Variants in MAMDC2 observed in about 807,000 individuals in gnomAD.
MAMDC2 encodes the protein MAM domain containing 2.
MAMDC2 carries 57 observed loss-of-function variants against 89.8 expected under a neutral mutation model. The observed-to-expected ratio is 0.63, with a 90% confidence interval of 0.51 to 0.79. The LOEUF is 0.79. Among genes scored for constraint, MAMDC2 ranks in the 30% least tolerant of loss-of-function variants. The pLI is 0.00. For synonymous variants in MAMDC2, 313 were observed against 293.4 expected, an observed-to-expected ratio of 1.07 and a Z score of -0.68; for missense variants, 800 against 820.6, an observed-to-expected ratio of 0.97 and a Z score of 0.31.
At chr9:70,053,600 G>A (rs373927735) in intron 2 of MAMDC2, among the ~76,000 whole-genome samples, 10 of 152,326 alleles carry the variant, frequency 6.6e-5, no homozygotes, top group Admixed American at 5.9e-4. Flanking sequence ...TGATCAAGCA[G>A]TGAAGGAGGT....
At chr9:70,144,331 T>TA (rs1563973619) in intron 9 of MAMDC2, among the ~76,000 whole-genome samples, 1 of 152,164 alleles carries the variant, frequency 6.6e-6, no homozygotes, top group Admixed American at 6.5e-5. Context: ...AACACCACCC[T>TA]AGCCAGAGAG....
intron 7 of MAMDC2, among the ~76,000 whole-genome samples, chr9:70,133,703 C>A (rs964029481): frequency 2.0e-5 from 3 of 152,160 alleles, no homozygotes; most frequent in Non-Finnish European, 4.4e-5. Flanking sequence ...ATAGCAAAGA[C>A]GGAAGAAGCT....
At chr9:70,083,830 T>C (rs1325843919) in intron 2 of MAMDC2, 1 of 152,106 alleles carries the variant, frequency 6.6e-6, no homozygotes, top group Non-Finnish European at 1.5e-5. Context: ...AATTTGCTAT[T>C]ATCAAGGAGA....
At chr9:70,183,801 T>A (rs2032693797) in intron 11 of MAMDC2, among the ~76,000 whole-genome samples, 1 of 152,234 alleles carries the variant, frequency 6.6e-6, no homozygotes, top group Non-Finnish European at 1.5e-5. Flanking sequence ...TCTATCCAAT[T>A]TGCCAGTCTG....
chr9:70,185,653 C>T (rs997269430), intron 11 of MAMDC2, among the ~76,000 whole-genome samples: 3 of 152,192 alleles, frequency 2.0e-5, no homozygotes, highest in African/African-American at 7.2e-5. Flanking sequence ...TCTGCCCAGT[C>T]TGAACTTCCT....
rs772491025 is a variant in MAMDC2 at position 70,168,709 on chromosome 9, T to G, written c.1412T>G (p.Phe471Cys). 1.9e-5 allele frequency: 31 copies of G among 1,613,590 alleles called. No homozygotes were observed. In the South Asian group the frequency reaches 3.3e-4, roughly 17 times the overall value. The change falls in exon 10 of 14, where the codon TTC becomes TGC. Residue 471 changes from phenylalanine to cysteine, a missense_variant. By Grantham distance (205) the Phe-to-Cys change is radical. Coordinates refer to ENST00000377182, the MANE Select transcript of MAMDC2 (RefSeq NM_153267.5). ...TATTTTTATGAATTTCAGGTGGTTT[T>G]CATGAGCCTATGCAAAAGTTTCTGG... ...FKKPMPTKVV[F>C]MSLCKSFWDC...
At chr9:70,194,701 A>G (rs2032945001) in intron 11 of MAMDC2, 1 of 152,156 alleles carries the variant, frequency 6.6e-6, no homozygotes. Context: ...ATAATATGTA[A>G]GCTCCACTGA....
At chr9:70,212,638 TA>T (rs1402928610) in intron 11 of MAMDC2, among the ~76,000 whole-genome samples, 1 of 151,918 alleles carries the variant, frequency 6.6e-6, no homozygotes, top group Non-Finnish European at 1.5e-5. Context: ...CGCTGTCCAA[TA>T]AGCCCCAGTG....
At chr9:70,198,167 T>C (rs969151973) in intron 11 of MAMDC2, among the ~76,000 whole-genome samples, 4 of 31,374 alleles carry the variant, frequency 1.3e-4, no homozygotes, top group East Asian at 1.9e-3. Flanking sequence ...TGTGTATATA[T>C]ATATATATAT....
intron 11 of MAMDC2, among the ~76,000 whole-genome samples, chr9:70,190,067 G>A (rs1424462434): frequency 1.3e-5 from 2 of 152,018 alleles, no homozygotes; most frequent in African/African-American, 2.4e-5. Context: ...TCTTTGTATA[G>A]TAAGTCCAAT....
chr9:70,144,677 A>G (rs1310292963), intron 9 of MAMDC2, among the ~76,000 whole-genome samples: 1 of 152,240 alleles, frequency 6.6e-6, no homozygotes, highest in Non-Finnish European at 1.5e-5. Flanking sequence ...AACATTGTTG[A>G]ATGAAGGAAG....
chr9:70,207,952 T>C (rs888148598), intron 11 of MAMDC2, among the ~76,000 whole-genome samples: 3 of 152,074 alleles, frequency 2.0e-5, no homozygotes, highest in Non-Finnish European at 4.4e-5. Flanking sequence ...AGATGTGTGG[T>C]ATTATTTCTG....
chr9:70,166,308 T>TACACAC (rs1563983155), intron 9 of MAMDC2, among the ~76,000 whole-genome samples: 1 of 132,926 alleles, frequency 7.5e-6, no homozygotes, highest in East Asian at 2.2e-4. Context: ...CACACACATA[T>TACACAC]ATATATATAC....
At chr9:70,045,253 A>G (rs1396541700) in intron 2 of MAMDC2, among the ~76,000 whole-genome samples, 2 of 152,210 alleles carry the variant, frequency 1.3e-5, no homozygotes, top group African/African-American at 4.8e-5. Flanking sequence ...AAAAGAAACC[A>G]TGTACACTGC....
At chr9:70,149,829 C>A (rs1168527490) in intron 9 of MAMDC2, among the ~76,000 whole-genome samples, 1 of 152,178 alleles carries the variant, frequency 6.6e-6, no homozygotes, top group Non-Finnish European at 1.5e-5. Context: ...ATAAGAAAGA[C>A]CGTGTATTTC....
intron 2 of MAMDC2, among the ~76,000 whole-genome samples, chr9:70,075,975 C>T (rs935443850): frequency 6.6e-6 from 1 of 152,176 alleles, no homozygotes; most frequent in Non-Finnish European, 1.5e-5. Context: ...AAGAGAATTC[C>T]CTCTCACCAG....
chr9:70,116,763 A>T (rs2030014804), intron 5 of MAMDC2, among the ~76,000 whole-genome samples: 1 of 151,842 alleles, frequency 6.6e-6, no homozygotes, highest in African/African-American at 2.4e-5. Flanking sequence ...TGGATTTTCT[A>T]ATGTCTTGAC....
At chr9:70,173,073 C>T (rs1366805589) in intron 11 of MAMDC2, among the ~76,000 whole-genome samples, 1 of 152,010 alleles carries the variant, frequency 6.6e-6, no homozygotes, top group Non-Finnish European at 1.5e-5. Context: ...TCCTCAGGAG[C>T]CAGTTTCTCT....
At chr9:70,156,562 A>C (rs908876245) in intron 9 of MAMDC2, among the ~76,000 whole-genome samples, 3 of 152,242 alleles carry the variant, frequency 2.0e-5, no homozygotes, top group African/African-American at 7.2e-5. Flanking sequence ...AGAGCAGCTG[A>C]GAGCAAAGTA....
Sources: gnomAD v4.1 joint callset for allele counts (sites outside exome capture counted in the v4.1 genomes callset) on GRCh38, gnomAD v4.1.1 for gene constraint, MANE v1.5 for transcripts, NCBI Gene and HGNC (gene_info 2026-07-23, HGNC 2026-07-21) for gene names.